Variants in LIFR observed in about 807,000 individuals in gnomAD.
The protein encoded by LIFR is LIF receptor subunit alpha.
In LIFR, 84 loss-of-function variants were observed where a neutral mutation model predicts 122.2. The ratio of observed to expected loss-of-function variants is 0.69; its 90% CI spans 0.58 to 0.82. The LOEUF is 0.82. Ranked by LOEUF, LIFR falls within the 40% of genes least tolerant of loss-of-function variation. The probability of loss-of-function intolerance (pLI) is 0.00; values close to 1 mark genes in which losing one functional copy is unlikely to be tolerated. For synonymous variants in LIFR, 422 were observed against 434.7 expected (o/e 0.97, Z 0.36); for missense variants, 1,294 against 1,311.6 (o/e 0.99, Z 0.21).
intron 1 of LIFR, among the ~76,000 whole-genome samples, chr5:38,577,431 T>C (rs1749424161): frequency 2.0e-5 from 3 of 152,152 alleles, no homozygotes; most frequent in Non-Finnish European, 4.4e-5. Context: ...CCGGTGCCAG[T>C]CATCTGCCTA....
intron 5 of LIFR, among the ~76,000 whole-genome samples, chr5:38,513,776 T>A (rs1745929223): frequency 6.6e-6 from 1 of 151,980 alleles, no homozygotes. Context: ...CATCAACAAG[T>A]CCTATCCAGA....
chr5:38,491,835 T>C (rs3097247), intron 14 of LIFR, among the ~76,000 whole-genome samples: 27,829 of 152,300 alleles, frequency 0.18, 2,725 homozygotes, highest in Non-Finnish European at 0.21. Flanking sequence ...TTTAGTTTTG[T>C]AACATTTTTC....
At position 38,496,402 on chromosome 5, in the gene LIFR, G is replaced by C. The variant is rs747837301; in HGVS notation, c.1865C>G (p.Ala622Gly). The change falls in exon 13 of 20, where the codon GCG (alanine) becomes GGG (glycine). Residue 622 changes from alanine to glycine, a missense_variant. Coordinates refer to ENST00000453190, the MANE Select transcript of LIFR (RefSeq NM_001127671.2). ...SVGSSPPSKI[A>G]SMEIPNDDLK... Reference sequence around the variant, plus strand: ...CTCACCATTTGGAATTTCCATACTCGCTATTTTGGAAGGTGGTGATGAGCC... The same window carrying C: ...CTCACCATTTGGAATTTCCATACTCCCTATTTTGGAAGGTGGTGATGAGCC... 1.9e-6 allele frequency: 3 copies of C among 1,613,068 alleles called. No individual in the cohort carries two copies. The highest frequency in any genetic ancestry group is 2.5e-6 in the Non-Finnish European group (3 of 1,179,194).
At chr5:38,504,658 T>A (rs1352665856) in intron 9 of LIFR, among the ~76,000 whole-genome samples, 1 of 152,162 alleles carries the variant, frequency 6.6e-6, no homozygotes, top group East Asian at 1.9e-4. Context: ...CGAGGCAAAC[T>A]GCATATTACA....
chr5:38,512,073 T>C (rs1745831227), intron 5 of LIFR, 109 bp from the exon 6 acceptor site: 5 of 1,092,222 alleles, frequency 4.6e-6, no homozygotes, highest in Admixed American at 4.0e-5. Flanking sequence ...GCTAAGTTTA[T>C]GTTTTGTCCT....
At chr5:38,558,793 G>A (rs1025060363), upstream of LIFR, 7 of 152,158 alleles carry the variant, frequency 4.6e-5, no homozygotes, top group Non-Finnish European at 7.3e-5. Flanking sequence ...TGAGAATTCA[G>A]TTACTATCAC....
intron 9 of LIFR, 91 bp downstream of exon 9, chr5:38,505,810 TAATC>T: frequency 1.6e-6 from 1 of 609,934 alleles, no homozygotes; most frequent in Non-Finnish European, 2.7e-6. Context: ...ATAAAGAAAA[TAATC>T]AGCAAAAAGT....
intron 1 of LIFR, among the ~76,000 whole-genome samples, chr5:38,541,745 GTAA>G: frequency 6.6e-6 from 1 of 152,286 alleles, no homozygotes; most frequent in Non-Finnish European, 1.5e-5. Context: ...TATACAGGGT[GTAA>G]TAATAGGATT....
chr5:38,514,885 G>A (rs1252426201), intron 5 of LIFR, among the ~76,000 whole-genome samples: 1 of 152,166 alleles, frequency 6.6e-6, no homozygotes, highest in East Asian at 1.9e-4. Context: ...GATGCCCGTA[G>A]GTTGTATGCT....
intron 5 of LIFR, among the ~76,000 whole-genome samples, chr5:38,521,704 G>A (rs1261621616): frequency 6.6e-6 from 1 of 152,168 alleles, no homozygotes; most frequent in Non-Finnish European, 1.5e-5. Flanking sequence ...GCAGTGGTAG[G>A]ATAACCCTCT....
chr5:38,490,378 A>G (rs1031836874), intron 14 of LIFR, 87 bp from the exon 15 acceptor site: 25 of 564,660 alleles, frequency 4.4e-5, no homozygotes, highest in Admixed American at 2.0e-4. Context: ...ACATACTCTA[A>G]AATTTCCAAA....
chr5:38,555,802 T>C (rs1363234034), intron 1 of LIFR, among the ~76,000 whole-genome samples: 3 of 152,218 alleles, frequency 2.0e-5, no homozygotes, highest in Non-Finnish European at 2.9e-5. Context: ...TCAGAACTCC[T>C]GAATCCAGCT....
chr5:38,489,365 T>A (rs968456885), intron 15 of LIFR, 120 bp from the exon 16 acceptor site: 1 of 838,490 alleles, frequency 1.2e-6, no homozygotes, highest in Admixed American at 2.1e-5. Flanking sequence ...CTTTATTTAA[T>A]CATAAACTTT....
intron 1 of LIFR, among the ~76,000 whole-genome samples, chr5:38,534,545 C>A (rs1298001341): frequency 2.0e-5 from 3 of 152,126 alleles, no homozygotes; most frequent in African/African-American, 7.2e-5. Flanking sequence ...TAGGTCTAGT[C>A]CTAGCAAAAA....
chr5:38,490,531 T>C (rs2112401172), intron 14 of LIFR: 1 of 253,262 alleles, frequency 3.9e-6, no homozygotes, highest in Admixed American at 5.2e-5. Flanking sequence ...GGGATTGCAT[T>C]GAAGAGAACA....
chr5:38,478,402 G>A lies in LIFR; in HGVS notation c.*3193C>T, dbSNP rs1309125637. 1 of 210,076 alleles carries A rather than the reference G, an allele frequency of 4.8e-6. No homozygotes were observed. The highest frequency in any genetic ancestry group is 2.3e-5 in the African/African-American group (1 of 43,970). The allele number at this position is 210,076 out of a possible 1,614,324, so 13.0% of individuals were successfully genotyped here. A position where few individuals can be genotyped will look rare whatever the true frequency, so the allele number is the denominator to read the frequency against. ...GGCTGCTTCTGTTTCTAAGCTGCAGGAACAAAGCACCTCTATCATATAAGC... is the reference window on the plus strand; with the variant it reads ...GGCTGCTTCTGTTTCTAAGCTGCAGAAACAAAGCACCTCTATCATATAAGC... On this transcript the variant is annotated 3_prime_UTR_variant, in exon 20 of 20. Transcript: ENST00000453190.
chr5:38,494,427 A>T (rs930008262), intron 13 of LIFR, among the ~76,000 whole-genome samples: 1 of 150,750 alleles, frequency 6.6e-6, no homozygotes, highest in Non-Finnish European at 1.5e-5. Flanking sequence ...AGAAGTCTGC[A>T]CAGCGTCCTA....
At chr5:38,595,727 CTTTT>C (rs70978897), upstream of LIFR, among the ~76,000 whole-genome samples, 4 of 91,922 alleles carry the variant, frequency 4.4e-5, no homozygotes, top group Non-Finnish European at 6.1e-5. Flanking sequence ...CACAATAGGT[CTTTT>C]TTTTTTTTTT....
chr5:38,510,789 G>A lies in LIFR; in HGVS notation c.737-71C>T, dbSNP rs942009026. ...TTACATAAACTTTTCTGCATTTTAA[G>A]ACTTTCTTTTCATAAGATGACTTTT... is the stretch of plus-strand genomic sequence containing the variant. On this transcript the variant is annotated intron_variant, in intron 6 of 19. Transcript: ENST00000453190. The A allele has an allele frequency of 5.3e-6, 7 of 1,326,978 alleles. No homozygotes were observed. The Admixed American group carries it at 1.3e-4, about 25-fold the overall frequency. The allele number at this position is 1,326,978 out of a possible 1,614,324, so 82.2% of individuals were successfully genotyped here.
Sources: gnomAD v4.1 joint callset for allele counts (sites outside exome capture counted in the v4.1 genomes callset) on GRCh38, gnomAD v4.1.1 for gene constraint, MANE v1.5 for transcripts, NCBI Gene and HGNC (gene_info 2026-07-23, HGNC 2026-07-21) for gene names.